The following NR2C2 variants were observed in gnomAD, a reference collection of about 807,000 sequenced individuals.
The protein encoded by NR2C2 is Nuclear hormone receptor TR4.
A neutral mutation model predicts 62.9 loss-of-function variants in NR2C2; 6 were observed. That is an observed-to-expected ratio of 0.10 (90% CI 0.05 to 0.19). The LOEUF (loss-of-function observed/expected upper bound fraction) is 0.19, where lower values mean the gene tolerates loss of function less well. Ranked by LOEUF, NR2C2 falls within the 10% of genes least tolerant of loss-of-function variation. NR2C2 has a pLI of 1.00. For synonymous variants in NR2C2, 272 were observed against 273.8 expected (o/e 0.99, Z 0.07); for missense variants, 479 against 762.7 (o/e 0.63, Z 4.38).
At chr3:14,971,895 G>A (rs2040052584) in intron 1 of NR2C2, among the ~76,000 whole-genome samples, 1 of 147,270 alleles carries the variant, frequency 6.8e-6, no homozygotes, top group Admixed American at 6.9e-5. Context: ...TGCAACCTCC[G>A]CCTCCCAGGT....
chr3:14,968,171 C>T (rs1287565558), intron 1 of NR2C2, among the ~76,000 whole-genome samples: 4 of 152,068 alleles, frequency 2.6e-5, no homozygotes, highest in South Asian at 2.1e-4. Flanking sequence ...TTCTGCACAG[C>T]GAAAGAAACT....
chr3:15,036,919 CAAG>C (rs1175342467), intron 11 of NR2C2, among the ~76,000 whole-genome samples: 2 of 152,036 alleles, frequency 1.3e-5, no homozygotes, highest in African/African-American at 4.8e-5. Flanking sequence ...GTCAGGAGTT[CAAG>C]ATCAGCCTAG....
intron 1 of NR2C2, among the ~76,000 whole-genome samples, chr3:14,973,969 C>G (rs1199320403): frequency 6.6e-6 from 1 of 152,150 alleles, no homozygotes; most frequent in African/African-American, 2.4e-5. Flanking sequence ...GTCAGATCAT[C>G]AAGTCAGAGA....
chr3:14,978,712 T>C lies in NR2C2; in HGVS notation c.-39-25164T>C, dbSNP rs1246949635. Among the ~76,000 whole-genome samples, 3 of 152,164 alleles carry C rather than the reference T, an allele frequency of 2.0e-5. No homozygotes were observed. The East Asian group carries it at 5.8e-4, about 29-fold the overall frequency. On this transcript the variant is annotated intron_variant, in intron 1 of 13. Coordinates refer to ENST00000425241, the MANE Select transcript of NR2C2 (RefSeq NM_001291694.2). ...TGGGGGTTGGAGGTTCACTTTGCAA[T>C]ACCGATACTTTCACTTGGTTTACTT...
At chr3:14,975,956 T>C (rs1427866091) in intron 1 of NR2C2, among the ~76,000 whole-genome samples, 1 of 152,168 alleles carries the variant, frequency 6.6e-6, no homozygotes, top group African/African-American at 2.4e-5. Context: ...TTTATTTCTT[T>C]AGAGACAGGG....
At position 15,042,993 on chromosome 3, in the gene NR2C2, C is replaced by G. The variant is rs761575938; in HGVS notation, c.1776C>G (p.Thr592=). Residue 592 remains threonine, a synonymous_variant, in exon 14 of 14, where the codon ACC becomes ACG. Coordinates refer to ENST00000425241, the MANE Select transcript of NR2C2 (RefSeq NM_001291694.2). The stretch of plus-strand genomic sequence containing the variant: ...CAGCAGAGTATAATGGCCAGATCAC[C>G]GGAGCCAGTCTATAGCGCAAACCAC... ...METAEYNGQI[T]GASL 6.2e-7 allele frequency: 1 copy of G among 1,613,906 alleles called. No homozygotes were observed. Among genetic ancestry groups the G allele is most frequent in the Non-Finnish European group, 8.5e-7 (1 of 1,179,898 alleles).
intron 1 of NR2C2, among the ~76,000 whole-genome samples, chr3:14,987,142 G>GC: frequency 6.6e-6 from 1 of 152,232 alleles, no homozygotes; most frequent in Middle Eastern, 3.4e-3. Flanking sequence ...GAGTCCAGTG[G>GC]CAGGAACACA....
chr3:15,016,272 A>G lies in NR2C2; in HGVS notation c.376+18A>G. 1 of 1,582,074 alleles carries G rather than the reference A, an allele frequency of 6.3e-7. No homozygotes were observed. The highest frequency in any genetic ancestry group is 8.7e-7 in the Non-Finnish European group (1 of 1,151,218). On this transcript the variant is annotated intron_variant, in intron 4 of 13. Coordinates refer to ENST00000425241, the MANE Select transcript of NR2C2 (RefSeq NM_001291694.2). ...AGCCTCCGGTATGTAGTTCCAGGTTATGCTGGCACTTATAATGGGCCAACA... is the reference window on the plus strand; with the variant it reads ...AGCCTCCGGTATGTAGTTCCAGGTTGTGCTGGCACTTATAATGGGCCAACA...
At position 15,028,692 on chromosome 3, in the gene NR2C2, A is replaced by G; in HGVS notation, c.905A>G (p.Glu302Gly). 1 of 1,614,154 alleles carries G rather than the reference A, an allele frequency of 6.2e-7. No homozygotes were observed. The highest frequency in any genetic ancestry group is 8.5e-7 in the Non-Finnish European group (1 of 1,179,980). Residue 302 changes from glutamate to glycine, a missense_variant, in exon 8 of 14, where the codon GAG becomes GGG. Transcript: ENST00000425241. ...GGTGACACTTCAGAAATCCAGCCAG[A>G]GGACCAGTCTGCAAGTGAGATAACT... ...NNGDTSEIQPEDQSASEITRA... is the reference protein window; with the variant it reads ...NNGDTSEIQPGDQSASEITRA...
chr3:15,007,667 G>C (rs767428745), intron 2 of NR2C2, among the ~76,000 whole-genome samples: 2 of 152,170 alleles, frequency 1.3e-5, no homozygotes, highest in Admixed American at 6.5e-5. Flanking sequence ...AGGAATGAAT[G>C]AAAGAATGAG....
chr3:15,031,086 C>T (rs975138251), intron 9 of NR2C2, among the ~76,000 whole-genome samples: 1 of 152,172 alleles, frequency 6.6e-6, no homozygotes, highest in African/African-American at 2.4e-5. Context: ...TCTGTGACTG[C>T]CTGGCTGCCC....
At chr3:15,021,026 ACTTT>A in intron 5 of NR2C2, 94 bp downstream of exon 5, 1 of 1,242,528 alleles carries the variant, frequency 8.0e-7, no homozygotes, top group Admixed American at 2.5e-5. Flanking sequence ...GCCTTAAAAT[ACTTT>A]AAGAAAAAAA....
rs2042332196 is a variant in NR2C2 at position 15,043,193 on chromosome 3, TAAG to T, written c.*188_*190del. On this transcript the variant is annotated 3_prime_UTR_variant, in exon 14 of 14. Coordinates refer to ENST00000425241, the MANE Select transcript of NR2C2 (RefSeq NM_001291694.2). ...AGACTAGTAGGATCCTTTCCTGACA[TAAG>T]AAATGTTTTAATGCCTTTTGATGAA... 5 of 433,348 alleles carry T rather than the reference TAAG, an allele frequency of 1.2e-5. No individual in the cohort carries two copies. The East Asian group carries it at 1.8e-4, about 16-fold the overall frequency. 26.8% of individuals were successfully genotyped at this position (433,348 alleles called of 1,614,324 possible). A position where few individuals can be genotyped will look rare whatever the true frequency, so the allele number is the denominator to read the frequency against.
intron 1 of NR2C2, among the ~76,000 whole-genome samples, chr3:14,966,331 A>G (rs2039856410): frequency 6.6e-6 from 1 of 151,888 alleles, no homozygotes; most frequent in Non-Finnish European, 1.5e-5. Flanking sequence ...TTGAATAGGA[A>G]AGATAGGATC....
At chr3:15,009,114 C>A (rs2041276764) in intron 2 of NR2C2, among the ~76,000 whole-genome samples, 1 of 152,116 alleles carries the variant, frequency 6.6e-6, no homozygotes, top group South Asian at 2.1e-4. Context: ...CCCAGCTACT[C>A]GGGAGGCTGA....
chr3:14,975,177 G>T (rs2040168699), intron 1 of NR2C2, among the ~76,000 whole-genome samples: 1 of 152,178 alleles, frequency 6.6e-6, no homozygotes, highest in Admixed American at 6.5e-5. Context: ...GTGAATGAGG[G>T]ATAATTTTAC....
intron 7 of NR2C2, among the ~76,000 whole-genome samples, chr3:15,027,874 T>C (rs986220930): frequency 1.3e-4 from 19 of 144,562 alleles, no homozygotes; most frequent in Admixed American, 2.8e-4. Context: ...CTCTTTTTCC[T>C]TTTTTTTTTT....
At chr3:14,989,201 C>T (rs2040595619) in intron 1 of NR2C2, among the ~76,000 whole-genome samples, 1 of 152,202 alleles carries the variant, frequency 6.6e-6, no homozygotes, top group Non-Finnish European at 1.5e-5. Context: ...ACTGTGACTT[C>T]AGGAGCTCCC....
Position 15,016,273 on chromosome 3 carries a change from T to C in NR2C2, c.376+19T>C. On this transcript the variant is annotated intron_variant, in intron 4 of 13. Coordinates refer to ENST00000425241, the MANE Select transcript of NR2C2 (RefSeq NM_001291694.2). ...GCCTCCGGTATGTAGTTCCAGGTTA[T>C]GCTGGCACTTATAATGGGCCAACAG... 2 of 1,570,940 alleles carry C rather than the reference T, an allele frequency of 1.3e-6. No individual in the cohort carries two copies. The highest frequency in any genetic ancestry group is 1.8e-6 in the Non-Finnish European group (2 of 1,140,914).
Sources: gnomAD v4.1 joint callset for allele counts (sites outside exome capture counted in the v4.1 genomes callset) on GRCh38, gnomAD v4.1.1 for gene constraint, MANE v1.5 for transcripts, NCBI Gene and HGNC (gene_info 2026-07-23, HGNC 2026-07-21) for gene names.